The following SLC9A9 variants were observed in gnomAD, a reference collection of about 807,000 sequenced individuals.
SLC9A9 encodes the protein solute carrier family 9 member A9, also known as sodium/hydrogen exchanger 9.
A neutral mutation model predicts 77.8 loss-of-function variants in SLC9A9; 62 were observed. The ratio of observed to expected loss-of-function variants is 0.80; its 90% CI spans 0.65 to 0.98. The LOEUF (loss-of-function observed/expected upper bound fraction) is 0.98. Ranked by LOEUF, SLC9A9 falls within the 50% of genes least tolerant of loss-of-function variation. The pLI, the probability that SLC9A9 is intolerant of heterozygous loss-of-function variation, is 0.00. For synonymous variants in SLC9A9, 320 were observed against 283.5 expected, an observed-to-expected ratio of 1.13 and a Z score of -1.29; for missense variants, 775 against 774.9, an observed-to-expected ratio of 1.00 and a Z score of 0.00.
At chr3:143,284,853 G>T (rs1335644510) in intron 14 of SLC9A9, among the ~76,000 whole-genome samples, 1 of 152,132 alleles carries the variant, frequency 6.6e-6, no homozygotes, top group Admixed American at 6.5e-5. Context: ...CAATGAAGTC[G>T]TCGTTTATGG....
chr3:143,468,661 C>A (rs2035324766), intron 11 of SLC9A9, among the ~76,000 whole-genome samples: 1 of 151,900 alleles, frequency 6.6e-6, no homozygotes, highest in Non-Finnish European at 1.5e-5. Flanking sequence ...ATGTGTCAGA[C>A]AACAAAGAAA....
At chr3:143,636,175 C>T (rs2038517154) in intron 6 of SLC9A9, among the ~76,000 whole-genome samples, 1 of 152,104 alleles carries the variant, frequency 6.6e-6, no homozygotes, top group Non-Finnish European at 1.5e-5. Flanking sequence ...CTTTTTGGTC[C>T]TTTACTAAAG....
At chr3:143,485,702 C>A (rs1395629217) in intron 11 of SLC9A9, among the ~76,000 whole-genome samples, 2 of 151,928 alleles carry the variant, frequency 1.3e-5, no homozygotes, top group Non-Finnish European at 2.9e-5. Context: ...CAAAAAATCA[C>A]AAGGTATACA....
chr3:143,732,205 G>C (rs1333802547), intron 4 of SLC9A9, among the ~76,000 whole-genome samples: 2 of 152,174 alleles, frequency 1.3e-5, no homozygotes, highest in Non-Finnish European at 2.9e-5. Context: ...AGCACACTGT[G>C]CCATGAATTT....
intron 4 of SLC9A9, among the ~76,000 whole-genome samples, chr3:143,757,075 G>T (rs1386289909): frequency 2.0e-5 from 3 of 152,112 alleles, no homozygotes; most frequent in African/African-American, 7.2e-5. Context: ...AGAGAAATTG[G>T]AGAATTAAAG....
chr3:143,461,704 T>A (rs1421249564), intron 12 of SLC9A9, among the ~76,000 whole-genome samples: 1 of 152,212 alleles, frequency 6.6e-6, no homozygotes, highest in Non-Finnish European at 1.5e-5. Flanking sequence ...TGTGTATTGA[T>A]AGACTACATT....
At chr3:143,676,831 T>C (rs563146365) in intron 5 of SLC9A9, among the ~76,000 whole-genome samples, 2 of 152,136 alleles carry the variant, frequency 1.3e-5, no homozygotes, top group East Asian at 3.9e-4. Flanking sequence ...CTCTCTGCCA[T>C]TTAAGAATGT....
chr3:143,806,485 C>A (rs1298763547), intron 2 of SLC9A9, among the ~76,000 whole-genome samples: 1 of 151,964 alleles, frequency 6.6e-6, no homozygotes, highest in Non-Finnish European at 1.5e-5. Flanking sequence ...CAGTGCCTAG[C>A]AAATTGCTCA....
At chr3:143,551,242 G>A (rs1248483592) in intron 9 of SLC9A9, among the ~76,000 whole-genome samples, 3 of 152,128 alleles carry the variant, frequency 2.0e-5, no homozygotes, top group African/African-American at 7.2e-5. Context: ...CCCTCAAAAG[G>A]AGCTATCCTG....
At chr3:143,705,025 ATC>A (rs1933926637) in intron 4 of SLC9A9, among the ~76,000 whole-genome samples, 2 of 32,748 alleles carry the variant, frequency 6.1e-5, no homozygotes, top group African/African-American at 2.0e-4. Flanking sequence ...CTATCTATCT[ATC>A]TATCTATCTA....
intron 4 of SLC9A9, among the ~76,000 whole-genome samples, chr3:143,700,000 ACAGTAGGATAGGGCAC>A (rs918427937): frequency 2.0e-5 from 3 of 151,890 alleles, no homozygotes; most frequent in African/African-American, 4.8e-5. Flanking sequence ...CAGCACAGCC[ACAGTAGGATAGGGCAC>A]CAGTCAGAGT....
chr3:143,477,072 T>C (rs1434197674), intron 11 of SLC9A9, among the ~76,000 whole-genome samples: 1 of 152,168 alleles, frequency 6.6e-6, no homozygotes, highest in Non-Finnish European at 1.5e-5. Flanking sequence ...TCCACCAAAA[T>C]CTATTCTTAT....
intron 4 of SLC9A9, among the ~76,000 whole-genome samples, chr3:143,792,241 G>A (rs1441551553): frequency 6.6e-6 from 1 of 152,148 alleles, no homozygotes; most frequent in African/African-American, 2.4e-5. Context: ...GAAAAATACA[G>A]CCAGTCACTT....
chr3:143,616,628 A>G (rs920886939), intron 6 of SLC9A9, among the ~76,000 whole-genome samples: 9 of 152,206 alleles, frequency 5.9e-5, no homozygotes, highest in Non-Finnish European at 1.2e-4. Flanking sequence ...ACTTATGGAA[A>G]TAAATAATCG....
intron 2 of SLC9A9, among the ~76,000 whole-genome samples, chr3:143,802,513 G>A (rs376774934): frequency 3.5e-4 from 54 of 152,298 alleles, no homozygotes; most frequent in African/African-American, 1.3e-3. Context: ...ACTTTCACTG[G>A]ATGGGTAGAG....
At chr3:143,720,116 T>C (rs943807520) in intron 4 of SLC9A9, among the ~76,000 whole-genome samples, 1 of 151,322 alleles carries the variant, frequency 6.6e-6, no homozygotes, top group African/African-American at 2.4e-5. Flanking sequence ...ATACCACATA[T>C]ATAATATATA....
chr3:143,492,802 T>C (rs1022771957), intron 11 of SLC9A9, among the ~76,000 whole-genome samples: 1 of 152,226 alleles, frequency 6.6e-6, no homozygotes, highest in Non-Finnish European at 1.5e-5. Context: ...TTGTATTTGT[T>C]CATGCTGATA....
intron 5 of SLC9A9, among the ~76,000 whole-genome samples, chr3:143,671,146 G>A (rs1159989507): frequency 1.3e-5 from 2 of 152,146 alleles, no homozygotes; most frequent in Admixed American, 6.6e-5. Flanking sequence ...TACACATTTA[G>A]TTAATGGCTG....
chr3:143,839,140 C>A (rs746239736), intron 1 of SLC9A9, among the ~76,000 whole-genome samples: 5 of 151,846 alleles, frequency 3.3e-5, no homozygotes, highest in Non-Finnish European at 7.4e-5. Context: ...GGAGTTTGTT[C>A]TTTCTCTGTT....
Sources: gnomAD v4.1 joint callset for allele counts (sites outside exome capture counted in the v4.1 genomes callset) on GRCh38, gnomAD v4.1.1 for gene constraint, MANE v1.5 for transcripts, NCBI Gene and HGNC (gene_info 2026-07-23, HGNC 2026-07-21) for gene names.